FOXO3: variants seen among roughly 807,000 people sequenced by gnomAD.
FOXO3 encodes forkhead box O3.
A neutral mutation model predicts 41.9 loss-of-function variants in FOXO3; 4 were observed. That is an observed-to-expected ratio of 0.10 (90% CI 0.05 to 0.22). The LOEUF (loss-of-function observed/expected upper bound fraction) is 0.22. FOXO3 is among the 10% of genes least tolerant of loss of function. FOXO3 has a pLI of 1.00. For synonymous variants in FOXO3, 318 were observed against 389.3 expected (o/e 0.82, Z 2.16); for missense variants, 534 against 906.8 (o/e 0.59, Z 5.28).
chr6:108,578,205 A>G (rs972017806), intron 1 of FOXO3, among the ~76,000 whole-genome samples: 2 of 152,176 alleles, frequency 1.3e-5, no homozygotes, highest in Non-Finnish European at 2.9e-5. Context: ...CATCACGCAG[A>G]TTCTCAGGCT....
intron 1 of FOXO3, among the ~76,000 whole-genome samples, chr6:108,629,550 T>C (rs1213748690): frequency 6.6e-6 from 1 of 152,154 alleles, no homozygotes; most frequent in East Asian, 1.9e-4. Context: ...GATGATAATA[T>C]TGTAAGCAAA....
intron 1 of FOXO3, among the ~76,000 whole-genome samples, chr6:108,630,754 T>C (rs925168077): frequency 3.9e-5 from 6 of 152,138 alleles, no homozygotes; most frequent in African/African-American, 9.7e-5. Context: ...ATGTTTTGCT[T>C]TAAGTATTTT....
At chr6:108,571,715 A>G (rs543491817) in intron 1 of FOXO3, among the ~76,000 whole-genome samples, 3 of 152,314 alleles carry the variant, frequency 2.0e-5, no homozygotes, top group East Asian at 1.9e-4. Flanking sequence ...GGCTTTGCCA[A>G]CGCCTTGATT....
At chr6:108,640,710 A>T (rs1385807305) in intron 1 of FOXO3, among the ~76,000 whole-genome samples, 4 of 152,206 alleles carry the variant, frequency 2.6e-5, no homozygotes, top group Non-Finnish European at 5.9e-5. Flanking sequence ...GTGATTAATC[A>T]TACAGCTTAT....
rs946896846 is a variant in FOXO3, at chr6:108,684,321, C to CT, written c.*4536dup. The CT allele has an allele frequency of 1.3e-5, 2 of 152,204 alleles. No individual in the cohort carries two copies. Among genetic ancestry groups the CT allele is most frequent in the African/African-American group, 4.8e-5 (2 of 41,342 alleles). The allele number at this position is 152,204 out of a possible 1,614,324, so 9.4% of individuals were successfully genotyped here. ...GTGCATTTTGGCTTCACATGTTTAACTTTTTTTAAGAAAAAAGTTGCATGA... is the reference window on the plus strand; with the variant it reads ...GTGCATTTTGGCTTCACATGTTTAACTTTTTTTTAAGAAAAAAGTTGCATGA... On this transcript the variant is annotated 3_prime_UTR_variant, in exon 3 of 3. Coordinates refer to ENST00000406360, the MANE Select transcript of FOXO3 (RefSeq NM_001455.4).
At chr6:108,662,979 A>G (rs1434721090) in intron 1 of FOXO3, among the ~76,000 whole-genome samples, 2 of 152,346 alleles carry the variant, frequency 1.3e-5, no homozygotes, top group Non-Finnish European at 2.9e-5. Context: ...GAAAACTGCC[A>G]TTTAACATGT....
intron 1 of FOXO3, among the ~76,000 whole-genome samples, chr6:108,591,154 G>A (rs566986398): frequency 2.6e-5 from 4 of 152,242 alleles, no homozygotes; most frequent in East Asian, 1.9e-4. Context: ...GGGACTTATC[G>A]GGTGACCTTT....
chr6:108,669,835 C>T lies in FOXO3; in HGVS notation c.*34+4946C>T, dbSNP rs139776868. On this transcript the variant is annotated intron_variant, in intron 2 of 2. Coordinates refer to ENST00000406360, the MANE Select transcript of FOXO3 (RefSeq NM_001455.4). ...TTTCACCTCTGGCCAGCCTGCTAAG[C>T]ATGGAGACAGAGCCTGAGTGGCTCC... 5.8e-4 allele frequency among the ~76,000 whole-genome samples: 89 copies of T among 152,294 alleles called. 1 individual carries two copies. Among genetic ancestry groups the T allele is most frequent in the Middle Eastern group, 6.8e-3 (2 of 294 alleles).
In FOXO3 at chr6:108,681,068, C is replaced by A. The variant is rs1229440455; in HGVS notation, c.*1276C>A. 1 of 152,502 alleles carries A rather than the reference C, an allele frequency of 6.6e-6. No homozygotes were observed. The highest frequency in any genetic ancestry group is 1.5e-5 in the Non-Finnish European group (1 of 68,012). The allele number at this position is 152,502 out of a possible 1,614,324, so 9.4% of individuals were successfully genotyped here. ...GCAGTTTTAACTTTTTTTTCTGCTT[C>A]TATGGATTTCATTTTGTTGTGTTTT... is the stretch of plus-strand genomic sequence containing the variant. On this transcript the variant is annotated 3_prime_UTR_variant, in exon 3 of 3. Transcript: ENST00000406360.
intron 1 of FOXO3, among the ~76,000 whole-genome samples, chr6:108,643,756 C>T (rs575168435): frequency 1.3e-5 from 2 of 152,154 alleles, no homozygotes; most frequent in African/African-American, 2.4e-5. Flanking sequence ...ACAGTGCTAT[C>T]GTCCAGAGCT....
At chr6:108,597,923 T>C (rs145215531) in intron 1 of FOXO3, among the ~76,000 whole-genome samples, 2 of 152,350 alleles carry the variant, frequency 1.3e-5, no homozygotes, top group East Asian at 3.9e-4. Context: ...ATGCTTTTGG[T>C]GTTTTAAAAT....
intron 1 of FOXO3, among the ~76,000 whole-genome samples, chr6:108,613,856 T>C (rs1406903920): frequency 2.0e-5 from 3 of 152,206 alleles, no homozygotes; most frequent in African/African-American, 7.2e-5. Context: ...CTTCCTAATA[T>C]AAATGTTGAA....
At chr6:108,584,364 T>C (rs1482681128) in intron 1 of FOXO3, among the ~76,000 whole-genome samples, 2 of 151,730 alleles carry the variant, frequency 1.3e-5, no homozygotes, top group African/African-American at 4.9e-5. Context: ...TTGGAGTTCA[T>C]TTTTTTGTTG....
At chr6:108,578,567 A>G (rs1776323869) in intron 1 of FOXO3, among the ~76,000 whole-genome samples, 1 of 152,186 alleles carries the variant, frequency 6.6e-6, no homozygotes, top group African/African-American at 2.4e-5. Flanking sequence ...AGGAAACCAC[A>G]TGTTCACCTT....
Position 108,682,636 on chromosome 6 carries a change from G to C in FOXO3, c.*2844G>C, listed in dbSNP as rs1770909724. The C allele has an allele frequency of 6.6e-6, 1 of 152,284 alleles. No homozygotes were observed. Among genetic ancestry groups the C allele is most frequent in the African/African-American group, 2.4e-5 (1 of 41,462 alleles). 9.4% of individuals were successfully genotyped at this position (152,284 alleles called of 1,614,324 possible). A position where few individuals can be genotyped will look rare whatever the true frequency, so the allele number is the denominator to read the frequency against. On this transcript the variant is annotated 3_prime_UTR_variant, in exon 3 of 3. Coordinates refer to ENST00000406360, the MANE Select transcript of FOXO3 (RefSeq NM_001455.4). ...TCTGAAGTGGGCAGGGGTGCTGCCA[G>C]AGCCCTCTGCCCCTTATGTTGAGAC...
intron 1 of FOXO3, among the ~76,000 whole-genome samples, chr6:108,587,934 G>A (rs1260670153): frequency 6.6e-6 from 1 of 152,208 alleles, no homozygotes; most frequent in Non-Finnish European, 1.5e-5. Flanking sequence ...ACATGCACTA[G>A]AGAAGGGCTC....
intron 1 of FOXO3, among the ~76,000 whole-genome samples, chr6:108,567,949 G>A (rs1017374047): frequency 2.6e-5 from 4 of 152,126 alleles, no homozygotes; most frequent in African/African-American, 9.7e-5. Context: ...TAGGGAGGCT[G>A]AGGCAGGAGA....
chr6:108,640,692 AAATTTGGGTGATT>A (rs975781770), intron 1 of FOXO3, among the ~76,000 whole-genome samples: 1 of 152,162 alleles, frequency 6.6e-6, no homozygotes, highest in African/African-American at 2.4e-5. Context: ...AATAGATAGA[AAATTTGGGTGATT>A]AATCATACAG....
intron 1 of FOXO3, among the ~76,000 whole-genome samples, chr6:108,587,151 G>A (rs1776604671): frequency 6.6e-6 from 1 of 151,864 alleles, no homozygotes. Flanking sequence ...TAACAGCTGG[G>A]TCTGGCCCAT....
Sources: allele counts gnomAD v4.1 joint callset (sites outside exome capture counted in the v4.1 genomes callset), GRCh38; gene constraint gnomAD v4.1.1; transcripts MANE v1.5; gene names NCBI Gene and HGNC (gene_info 2026-07-23, HGNC 2026-07-21).